The following TMEM132C variants were observed in gnomAD, a reference collection of about 807,000 sequenced individuals.
TMEM132C encodes transmembrane protein 132C.
In TMEM132C, 29 loss-of-function variants were observed where a neutral mutation model predicts 61.4. The ratio of observed to expected loss-of-function variants is 0.47; its 90% CI spans 0.35 to 0.64. The LOEUF is 0.64. TMEM132C is among the 30% of genes least tolerant of loss of function. TMEM132C has a pLI of 0.00. For synonymous variants in TMEM132C, 656 were observed against 633.1 expected (o/e 1.04, Z -0.54); for missense variants, 1,408 against 1,476.9 (o/e 0.95, Z 0.76).
chr12:128,588,801 G>GCT (rs1293181151), intron 3 of TMEM132C, among the ~76,000 whole-genome samples: 2 of 152,254 alleles, frequency 1.3e-5, no homozygotes, highest in Non-Finnish European at 2.9e-5. Context: ...TTCACCCTGG[G>GCT]CTTCGGCCTG....
At chr12:128,287,687 G>A (rs1054921439) in intron 1 of TMEM132C, among the ~76,000 whole-genome samples, 7 of 152,150 alleles carry the variant, frequency 4.6e-5, no homozygotes, top group Non-Finnish European at 5.9e-5. Flanking sequence ...TTATGTATCT[G>A]CCTCCTTTAT....
At chr12:128,635,979 C>T (rs564954754) in intron 4 of TMEM132C, among the ~76,000 whole-genome samples, 6 of 152,332 alleles carry the variant, frequency 3.9e-5, no homozygotes, top group South Asian at 2.1e-4. Flanking sequence ...TGCCCAATCT[C>T]GGCTTTATTC....
At chr12:128,342,945 A>G (rs954409561) in intron 1 of TMEM132C, among the ~76,000 whole-genome samples, 5 of 152,208 alleles carry the variant, frequency 3.3e-5, no homozygotes, top group South Asian at 2.1e-4. Context: ...ATTCTTTGCA[A>G]TCTTCAGGGG....
At chr12:128,343,261 T>G (rs1873036910) in intron 1 of TMEM132C, among the ~76,000 whole-genome samples, 1 of 151,960 alleles carries the variant, frequency 6.6e-6, no homozygotes, top group Non-Finnish European at 1.5e-5. Context: ...CCGTCTCTAC[T>G]AAAAATACAA....
intron 1 of TMEM132C, among the ~76,000 whole-genome samples, chr12:128,342,275 G>A (rs1872999089): frequency 1.3e-5 from 2 of 152,068 alleles, no homozygotes; most frequent in Admixed American, 1.3e-4. Context: ...CCAAAGTGCT[G>A]GGATTACAGA....
chr12:128,451,216 T>TA (rs921834975), intron 2 of TMEM132C, among the ~76,000 whole-genome samples: 4 of 152,192 alleles, frequency 2.6e-5, no homozygotes, highest in African/African-American at 9.6e-5. Context: ...AAACCAGTAT[T>TA]ACGTTTCTAG....
Position 128,369,364 on chromosome 12 carries a change from A to G in TMEM132C, c.86-45368A>G, listed in dbSNP as rs191535431. On this transcript the variant is annotated intron_variant, in intron 1 of 8. Transcript: ENST00000435159. ...CATTTTATTAGTAAACATTAATACAATGTTCACTATGAAAACATCGATACA... is the reference window on the plus strand; with the variant it reads ...CATTTTATTAGTAAACATTAATACAGTGTTCACTATGAAAACATCGATACA... 7.7e-4 allele frequency among the ~76,000 whole-genome samples: 117 copies of G among 152,332 alleles called. 1 individual carries two copies. Among genetic ancestry groups the G allele is most frequent in the African/African-American group, 2.3e-3 (97 of 41,568 alleles).
chr12:128,602,151 A>G (rs1024627340), intron 3 of TMEM132C, among the ~76,000 whole-genome samples: 5 of 152,204 alleles, frequency 3.3e-5, no homozygotes, highest in African/African-American at 1.2e-4. Context: ...CGAGGCTGCA[A>G]TGAGCCACGA....
intron 1 of TMEM132C, among the ~76,000 whole-genome samples, chr12:128,403,401 G>A (rs1366970929): frequency 1.3e-5 from 2 of 152,142 alleles, no homozygotes; most frequent in Non-Finnish European, 2.9e-5. Context: ...CACCTCCAAA[G>A]TCCTGAAAAG....
At chr12:128,568,545 G>T (rs1405862337) in intron 3 of TMEM132C, among the ~76,000 whole-genome samples, 1 of 152,198 alleles carries the variant, frequency 6.6e-6, no homozygotes, top group Non-Finnish European at 1.5e-5. Context: ...ATCCCTACGA[G>T]GTGGGTGTGG....
intron 3 of TMEM132C, among the ~76,000 whole-genome samples, chr12:128,545,665 ATGGC>A (rs1873924714): frequency 6.6e-6 from 1 of 152,172 alleles, no homozygotes. Context: ...CTGGTGTGAG[ATGGC>A]ATCTCATTGT....
chr12:128,512,932 C>T (rs1051136411), intron 2 of TMEM132C, among the ~76,000 whole-genome samples: 1 of 152,124 alleles, frequency 6.6e-6, no homozygotes, highest in Non-Finnish European at 1.5e-5. Flanking sequence ...ATGCGACAGA[C>T]GTATATATGG....
intron 3 of TMEM132C, among the ~76,000 whole-genome samples, chr12:128,590,219 G>C (rs1347989382): frequency 6.6e-6 from 1 of 152,140 alleles, no homozygotes; most frequent in Non-Finnish European, 1.5e-5. Context: ...AAGGGATCTG[G>C]GACAAGGAGG....
At chr12:128,696,572 C>T (rs1483615772) in intron 7 of TMEM132C, among the ~76,000 whole-genome samples, 1 of 152,196 alleles carries the variant, frequency 6.6e-6, no homozygotes, top group Admixed American at 6.5e-5. Flanking sequence ...AAATCCTGCT[C>T]CTTCTTTTTC....
intron 8 of TMEM132C, among the ~76,000 whole-genome samples, chr12:128,702,796 C>T (rs2135661801): frequency 6.6e-6 from 1 of 152,364 alleles, no homozygotes; most frequent in African/African-American, 2.4e-5. Flanking sequence ...GTATCTCTGG[C>T]TCAGCAGGTA....
chr12:128,350,820 G>A (rs1475275704), intron 1 of TMEM132C, among the ~76,000 whole-genome samples: 4 of 151,550 alleles, frequency 2.6e-5, no homozygotes, highest in South Asian at 2.1e-4. Context: ...CCTGGTAATT[G>A]TGCTCTAAAT....
chr12:128,660,226 A>G (rs1954373120), intron 4 of TMEM132C, among the ~76,000 whole-genome samples: 1 of 152,218 alleles, frequency 6.6e-6, no homozygotes, highest in Non-Finnish European at 1.5e-5. Flanking sequence ...GTCACTGTCC[A>G]GCTGTGTGGC....
chr12:128,575,293 C>T (rs889807868), intron 3 of TMEM132C, among the ~76,000 whole-genome samples: 1 of 152,130 alleles, frequency 6.6e-6, no homozygotes, highest in Non-Finnish European at 1.5e-5. Context: ...ATCCTGGCCA[C>T]CATGGTGAAA....
At chr12:128,404,966 A>C (rs1240914163) in intron 1 of TMEM132C, among the ~76,000 whole-genome samples, 1 of 125,156 alleles carries the variant, frequency 8.0e-6, no homozygotes, top group Non-Finnish European at 1.7e-5. Context: ...GAAGGGAGAC[A>C]GCAATGAACG....
Sources: gnomAD v4.1 joint callset for allele counts (sites outside exome capture counted in the v4.1 genomes callset) on GRCh38, gnomAD v4.1.1 for gene constraint, MANE v1.5 for transcripts, NCBI Gene and HGNC (gene_info 2026-07-23, HGNC 2026-07-21) for gene names.